The following MARCHF8 variants were observed in gnomAD, a reference collection of about 807,000 sequenced individuals.
MARCHF8 encodes the protein E3 ubiquitin-protein ligase MARCHF8.
MARCHF8 carries 40 observed loss-of-function variants against 51.6 expected under a neutral mutation model. The ratio of observed to expected loss-of-function variants is 0.77; its 90% confidence interval spans 0.60 to 1.01. MARCHF8 has a LOEUF of 1.01. Among genes scored for constraint, MARCHF8 ranks in the 50% least tolerant of loss-of-function variants. The pLI, the probability that MARCHF8 is intolerant of heterozygous loss-of-function variation, is 0.00. For missense variants in MARCHF8, 685 were observed against 708.6 expected (o/e 0.97, Z 0.38); for synonymous variants, 263 against 280.3 (o/e 0.94, Z 0.62).
intron 1 of MARCHF8, among the ~76,000 whole-genome samples, chr10:45,581,853 C>T (rs544606772): frequency 6.6e-6 from 1 of 151,520 alleles, no homozygotes; most frequent in African/African-American, 2.4e-5. Flanking sequence ...AAGAAAAGGG[C>T]TGCTTTCCCA....
chr10:45,556,720 T>G (rs913294204), intron 1 of MARCHF8, among the ~76,000 whole-genome samples: 6 of 152,210 alleles, frequency 3.9e-5, no homozygotes, highest in Admixed American at 3.3e-4. Flanking sequence ...AATTATCAAC[T>G]TAAAGCATAG....
chr10:45,577,046 A>G (rs2044498642), intron 1 of MARCHF8, among the ~76,000 whole-genome samples: 1 of 152,118 alleles, frequency 6.6e-6, no homozygotes, highest in Admixed American at 6.5e-5. Flanking sequence ...AGGTGATTAA[A>G]TCATGAGGGC....
rs1842664074 is a variant in MARCHF8, at chr10:45,458,154, G to T, written c.*85C>A. 5 of 1,341,838 alleles carry T rather than the reference G, an allele frequency of 3.7e-6. No homozygotes were observed. The highest frequency in any genetic ancestry group is 4.1e-6 in the Non-Finnish European group (4 of 983,324). 83.1% of individuals were successfully genotyped at this position (1,341,838 alleles called of 1,614,324 possible). A position where few individuals can be genotyped will look rare whatever the true frequency, so the allele number is the denominator to read the frequency against. ...CACCTGTCCAGTCTATGCTATTAAAGGACATAAGAAAGGTATACAATTGGC... is the reference window on the plus strand; with the variant it reads ...CACCTGTCCAGTCTATGCTATTAAATGACATAAGAAAGGTATACAATTGGC... On this transcript the variant is annotated 3_prime_UTR_variant, in exon 8 of 8. Coordinates refer to ENST00000453424, the MANE Select transcript of MARCHF8 (RefSeq NM_001282866.2).
intron 2 of MARCHF8, among the ~76,000 whole-genome samples, chr10:45,511,401 C>A (rs994572383): frequency 2.0e-5 from 3 of 151,620 alleles, no homozygotes; most frequent in Non-Finnish European, 4.4e-5. Flanking sequence ...CTCTCCCTCT[C>A]CCCACGGCCC....
chr10:45,535,505 T>A (rs573936688), upstream of MARCHF8: 1 of 152,298 alleles, frequency 6.6e-6, no homozygotes, highest in East Asian at 1.9e-4. Flanking sequence ...TTTTTACAGT[T>A]TTGAAGGACA....
chr10:45,516,403 G>A (rs999372103), intron 2 of MARCHF8, among the ~76,000 whole-genome samples: 1 of 151,944 alleles, frequency 6.6e-6, no homozygotes, highest in East Asian at 1.9e-4. Flanking sequence ...TTCCTGCCTC[G>A]GCTCCCAAAA....
At chr10:45,516,972 C>G (rs181449278) in intron 2 of MARCHF8, among the ~76,000 whole-genome samples, 136 of 152,304 alleles carry the variant, frequency 8.9e-4, no homozygotes, top group African/African-American at 3.2e-3. Context: ...TATGTATGTA[C>G]CTCCTTATTA....
chr10:45,583,356 A>C (rs1181956271), intron 1 of MARCHF8, among the ~76,000 whole-genome samples: 1 of 152,204 alleles, frequency 6.6e-6, no homozygotes, highest in South Asian at 2.1e-4. Context: ...AGGCAATTCC[A>C]CTTCTAGGGC....
At chr10:45,493,349 G>T (rs944018636) in intron 2 of MARCHF8, among the ~76,000 whole-genome samples, 1 of 152,330 alleles carries the variant, frequency 6.6e-6, no homozygotes, top group Non-Finnish European at 1.5e-5. Flanking sequence ...AACACATTCA[G>T]TCACTGCTTA....
chr10:45,580,787 G>A (rs7086046), intron 1 of MARCHF8, among the ~76,000 whole-genome samples: 34,227 of 152,008 alleles, frequency 0.23, 4,159 homozygotes, highest in Admixed American at 0.29. Flanking sequence ...AGTATTGTGC[G>A]CTAGGACCAC....
rs950888287 is a variant in MARCHF8, at chr10:45,554,929, C to T, written c.-78-21640G>A. On this transcript the variant is annotated intron_variant, in intron 1 of 6. Transcript: ENST00000319836. ...AATTAGCCAGGCGTAGTGGTGCGCA[C>T]CTGTTGTCCCAGCTACTTGGGAGGC... is the stretch of plus-strand genomic sequence containing the variant. Among the ~76,000 whole-genome samples, 11 of 152,240 alleles carry T rather than the reference C, an allele frequency of 7.2e-5. No individual in the cohort carries two copies. In the East Asian group the frequency reaches 2.1e-3, roughly 29 times the overall value.
intron 2 of MARCHF8, among the ~76,000 whole-genome samples, chr10:45,512,847 G>C (rs112802939): frequency 0.014 from 2,096 of 152,182 alleles, 65 homozygotes; most frequent in African/African-American, 0.047. Flanking sequence ...GAAAGAAGTA[G>C]ACATGGGAGA....
chr10:45,501,190 G>C (rs188413547), intron 2 of MARCHF8, among the ~76,000 whole-genome samples: 4 of 151,156 alleles, frequency 2.6e-5, no homozygotes, highest in African/African-American at 9.7e-5. Context: ...TATATGGATA[G>C]GCAAAGGAAC....
chr10:45,482,805 T>C lies in MARCHF8; in HGVS notation c.153+6562A>G, dbSNP rs535926777. Among the ~76,000 whole-genome samples, 116 of 151,926 alleles carry C rather than the reference T, an allele frequency of 7.6e-4. 1 individual carries two copies. Among genetic ancestry groups the C allele is most frequent in the Non-Finnish European group, 1.3e-3 (87 of 67,950 alleles). On this transcript the variant is annotated intron_variant, in intron 3 of 7. Transcript: ENST00000453424. ...AAACAAACCCAGATACACAGAACAA[T>C]AGAACAAAATCAACAACACAGAAAT...
intron 1 of MARCHF8, among the ~76,000 whole-genome samples, chr10:45,571,338 T>C (rs762978357): frequency 2.6e-5 from 4 of 152,178 alleles, no homozygotes; most frequent in Non-Finnish European, 4.4e-5. Context: ...TGGCTCATCC[T>C]GGCTCAAAAG....
intron 1 of MARCHF8, among the ~76,000 whole-genome samples, chr10:45,584,945 T>C (rs1377692412): frequency 2.6e-5 from 4 of 152,158 alleles, no homozygotes; most frequent in African/African-American, 9.7e-5. Context: ...CCTACAACCA[T>C]ATGAACTGAA....
At chr10:45,503,890 T>C (rs1027373807) in intron 2 of MARCHF8, among the ~76,000 whole-genome samples, 2 of 152,000 alleles carry the variant, frequency 1.3e-5, no homozygotes, top group Admixed American at 6.6e-5. Context: ...ATATATTATA[T>C]GATTCCATCT....
chr10:45,470,142 C>CT (rs1283970706), intron 3 of MARCHF8, among the ~76,000 whole-genome samples: 1 of 152,162 alleles, frequency 6.6e-6, no homozygotes, highest in Admixed American at 6.5e-5. Context: ...GTAAACAAAA[C>CT]TTAGTGGCTT....
chr10:45,469,864 CAAAAAAAAAAAA>C (rs55832920), intron 3 of MARCHF8, among the ~76,000 whole-genome samples: 6 of 57,028 alleles, frequency 1.1e-4, no homozygotes, highest in African/African-American at 2.9e-4. Context: ...GACTCCGTCT[CAAAAAAAAAAAA>C]AAAAAAAAAA....
Sources: gnomAD v4.1 joint callset for allele counts (sites outside exome capture counted in the v4.1 genomes callset) on GRCh38, gnomAD v4.1.1 for gene constraint, MANE v1.5 for transcripts, NCBI Gene and HGNC (gene_info 2026-07-23, HGNC 2026-07-21) for gene names.